The following TRIM54 variants were observed in gnomAD, a reference collection of about 807,000 sequenced individuals.
The protein encoded by TRIM54 is tripartite motif-containing protein 54.
A neutral mutation model predicts 42.0 loss-of-function variants in TRIM54; 40 were observed. That is an observed-to-expected ratio of 0.95 (90% CI 0.74 to 1.24). The LOEUF is 1.24. Among genes scored for constraint, TRIM54 ranks in the 50% most tolerant of loss-of-function variants. TRIM54 has a pLI of 0.00. For missense variants in TRIM54, 485 were observed against 480.3 expected (o/e 1.01, Z -0.09); for synonymous variants, 199 against 194.9 (o/e 1.02, Z -0.17).
At chr2:27,288,784 G>A (rs1015808993) in intron 1 of TRIM54, among the ~76,000 whole-genome samples, 10 of 152,184 alleles carry the variant, frequency 6.6e-5, no homozygotes, top group Non-Finnish European at 1.2e-4. Flanking sequence ...GACAGACTAA[G>A]GACATAAATC....
At chr2:27,293,742 C>T (rs1678786161) in intron 1 of TRIM54, among the ~76,000 whole-genome samples, 1 of 152,136 alleles carries the variant, frequency 6.6e-6, no homozygotes, top group Non-Finnish European at 1.5e-5. Context: ...CAAAAAACGG[C>T]CAGGTGAGGT....
chr2:27,293,851 A>C (rs1678790328), intron 1 of TRIM54, among the ~76,000 whole-genome samples: 1 of 151,988 alleles, frequency 6.6e-6, no homozygotes, highest in Non-Finnish European at 1.5e-5. Context: ...GGGAAACCCC[A>C]TCTCTACTAA....
chr2:27,292,728 C>T (rs1352012868), intron 1 of TRIM54, among the ~76,000 whole-genome samples: 6 of 152,166 alleles, frequency 3.9e-5, no homozygotes, highest in Admixed American at 2.0e-4. Flanking sequence ...ACTCCCCCTC[C>T]TTCCAGCAAC....
rs776238456 is a variant in TRIM54, at chr2:27,306,120, G to C, written c.866+18G>C. ...ATCAATAAGTGAGTAGGCATAGCGG[G>C]AAGGGAAAGGAGGGGGCTGCACTGC... On this transcript the variant is annotated intron_variant, in intron 6 of 8. Coordinates refer to ENST00000380075, the MANE Select transcript of TRIM54 (RefSeq NM_187841.3). This position sits in a 1 kb window ranked among gnomAD's most constrained non-coding sequence, Gnocchi z 6.1. 3.1e-6 allele frequency: 5 copies of C among 1,614,056 alleles called. No homozygotes were observed. The highest frequency in any genetic ancestry group is 1.1e-5 in the South Asian group (1 of 91,090).
intron 1 of TRIM54, among the ~76,000 whole-genome samples, chr2:27,293,129 T>C (rs1240290567): frequency 6.6e-6 from 1 of 152,224 alleles, no homozygotes; most frequent in Non-Finnish European, 1.5e-5. Flanking sequence ...TTTTTTCTTT[T>C]CTTTTTGTAT....
intron 4 of TRIM54, 149 bp from the exon 5 acceptor site, chr2:27,305,435 G>A: frequency 1.6e-6 from 1 of 638,438 alleles, no homozygotes. Context: ...TTATGGAAAA[G>A]ATCTGGGCTG....
Position 27,283,764 on chromosome 2 carries a change from GCA to G in TRIM54, c.168+879_168+880del, listed in dbSNP as rs72401083. Among the ~76,000 whole-genome samples, 525 of 117,892 alleles carry G rather than the reference GCA, an allele frequency of 4.5e-3. 7 individuals are homozygous for G. Among genetic ancestry groups the G allele is most frequent in the Admixed American group, 5.5e-3 (61 of 11,130 alleles). The allele number at this position is 117,892 out of a possible 152,430, so 77.3% of individuals were successfully genotyped here. ...AGATCAGGGAGAGTGAGGGGCAAAG[GCA>G]CACACACACACACGCGCGCACACAC... On this transcript the variant is annotated intron_variant, in intron 1 of 8. Coordinates refer to ENST00000380075, the MANE Select transcript of TRIM54 (RefSeq NM_187841.3).
chr2:27,299,272 C>A lies in TRIM54; in HGVS notation c.369C>A (p.His123Gln). Reference protein sequence around the residue: ...SRPLHSKAEQHLMCEEHEEEK... With the variant: ...SRPLHSKAEQQLMCEEHEEEK... The stretch of plus-strand genomic sequence containing the variant: ...CGCTGCACTCCAAGGCTGAGCAGCA[C>A]CTCATGTGCGAGGAGCATGAAGAAG... Residue 123 changes from histidine to glutamine, a missense_variant, in exon 3 of 9, where the codon CAC becomes CAA. Transcript: ENST00000380075. The A allele has an allele frequency of 6.2e-7, 1 of 1,614,152 alleles. No individual in the cohort carries two copies.
intron 1 of TRIM54, among the ~76,000 whole-genome samples, chr2:27,289,535 C>G (rs1008469858): frequency 1.4e-4 from 22 of 152,248 alleles, no homozygotes; most frequent in African/African-American, 5.3e-4. Flanking sequence ...AGGCTGGTCT[C>G]AAAACTCCTG....
chr2:27,292,098 T>C (rs560904557), intron 1 of TRIM54, among the ~76,000 whole-genome samples: 7 of 152,186 alleles, frequency 4.6e-5, no homozygotes, highest in Admixed American at 6.5e-5. Flanking sequence ...CCAGAATAAA[T>C]GCAATGACTA....
intron 3 of TRIM54, among the ~76,000 whole-genome samples, chr2:27,303,670 G>A (rs1157076305): frequency 6.6e-6 from 1 of 152,078 alleles, no homozygotes; most frequent in East Asian, 1.9e-4. Context: ...AGGAAAATAT[G>A]CACAATTTAG....
At chr2:27,289,172 C>G (rs879840755) in intron 1 of TRIM54, among the ~76,000 whole-genome samples, 2 of 151,932 alleles carry the variant, frequency 1.3e-5, no homozygotes, top group Non-Finnish European at 2.9e-5. Flanking sequence ...TTGTGTGTGC[C>G]GTGGACCAAT....
chr2:27,300,788 C>CTG (rs1182649373), intron 3 of TRIM54, among the ~76,000 whole-genome samples: 9 of 152,118 alleles, frequency 5.9e-5, no homozygotes, highest in African/African-American at 2.2e-4. Context: ...ATCACTTGAG[C>CTG]CCGGGAGGTT....
intron 4 of TRIM54, 36 bp downstream of exon 4, chr2:27,305,090 T>C (rs535696988): frequency 1.3e-6 from 2 of 1,576,456 alleles, no homozygotes; most frequent in Non-Finnish European, 1.7e-6. Flanking sequence ...GAACAGCAAC[T>C]GGCTAGCCTG....
rs1297292670 is a variant in TRIM54 at position 27,306,580 on chromosome 2, C to T, written c.*1+38C>T. 2.7e-6 allele frequency: 4 copies of T among 1,496,780 alleles called. No homozygotes were observed. The highest frequency in any genetic ancestry group is 2.7e-6 in the Non-Finnish European group (3 of 1,120,710). 92.7% of individuals were successfully genotyped at this position (1,496,780 alleles called of 1,614,324 possible). A position where few individuals can be genotyped will look rare whatever the true frequency, so the allele number is the denominator to read the frequency against. ...CGATGGGCCTTAAGGTGAGAGCGGC[C>T]TGAGGGGCTTGGGGTGGGGCCTGGC... On this transcript the variant is annotated intron_variant, in intron 8 of 8. Coordinates refer to ENST00000380075, the MANE Select transcript of TRIM54 (RefSeq NM_187841.3). This position sits in a 1 kb window ranked among gnomAD's most constrained non-coding sequence, Gnocchi z 6.1.
intron 1 of TRIM54, 34 bp downstream of exon 1, chr2:27,282,933 G>T: frequency 6.3e-7 from 1 of 1,588,702 alleles, no homozygotes; most frequent in Non-Finnish European, 8.6e-7. Context: ...GCCAGGTAAA[G>T]CAATGCAGAC....
chr2:27,303,920 A>C (rs1313288679), intron 3 of TRIM54, among the ~76,000 whole-genome samples: 1 of 152,144 alleles, frequency 6.6e-6, no homozygotes, highest in Non-Finnish European at 1.5e-5. Context: ...AATATCAAAA[A>C]CCAACCATGT....
At position 27,306,579 on chromosome 2, in the gene TRIM54, C is replaced by T. The variant is rs865779859; in HGVS notation, c.*1+37C>T. On this transcript the variant is annotated intron_variant, in intron 8 of 8. Transcript: ENST00000380075. This position sits in a 1 kb window ranked among gnomAD's most constrained non-coding sequence, Gnocchi z 6.1. ...CCGATGGGCCTTAAGGTGAGAGCGG[C>T]CTGAGGGGCTTGGGGTGGGGCCTGG... 7 of 1,496,324 alleles carry T rather than the reference C, an allele frequency of 4.7e-6. No individual in the cohort carries two copies. Among genetic ancestry groups the T allele is most frequent in the Middle Eastern group, 2.4e-4 (1 of 4,106 alleles). The allele number at this position is 1,496,324 out of a possible 1,614,324, so 92.7% of individuals were successfully genotyped here. A position where few individuals can be genotyped will look rare whatever the true frequency, so the allele number is the denominator to read the frequency against.
intron 3 of TRIM54, among the ~76,000 whole-genome samples, chr2:27,300,766 T>C (rs1250381544): frequency 6.6e-6 from 1 of 152,068 alleles, no homozygotes; most frequent in Non-Finnish European, 1.5e-5. Flanking sequence ...CTCGGGAGGC[T>C]GAGGTGGGAG....
Sources: allele counts gnomAD v4.1 joint callset (sites outside exome capture counted in the v4.1 genomes callset), GRCh38; gene constraint gnomAD v4.1.1; non-coding constraint Gnocchi (gnomAD v3.1); transcripts MANE v1.5; gene names NCBI Gene and HGNC (gene_info 2026-07-23, HGNC 2026-07-21).